NRL: variants seen among roughly 807,000 people sequenced by gnomAD.
NRL encodes the protein neural retina leucine zipper.
Under a neutral mutation model 12.5 loss-of-function variants are expected in NRL, and 16 were observed. The ratio of observed to expected loss-of-function variants is 1.28; its 90% confidence interval spans 0.87 to 1.95. The LOEUF (loss-of-function observed/expected upper bound fraction) is 1.95, where lower values mean the gene tolerates loss of function less well. NRL is among the 30% of genes most tolerant of loss of function. NRL has a pLI of 0.00. For missense variants in NRL, 314 were observed against 325.8 expected, an observed-to-expected ratio of 0.96 and a Z score of 0.28; for synonymous variants, 142 against 150.9, an observed-to-expected ratio of 0.94 and a Z score of 0.43.
At position 24,081,369 on chromosome 14, in the gene NRL, A is replaced by T; in HGVS notation, c.581T>A (p.Leu194Gln). ...RRGLEAERAR[L>Q]AAQLDALRAE... Reference sequence around the variant, plus strand: ...CCGCAGCGCGTCCAGCTGGGCGGCCAGGCGGGCGCGCTCGGCCTCCAGCCC... The same window carrying T: ...CCGCAGCGCGTCCAGCTGGGCGGCCTGGCGGGCGCGCTCGGCCTCCAGCCC... The change falls in exon 3 of 3, where the codon CTG becomes CAG. Residue 194 changes from leucine to glutamine, a missense_variant. Transcript: ENST00000561028. This position sits in a 1 kb window ranked among gnomAD's most constrained non-coding sequence, Gnocchi z 4.4. The T allele has an allele frequency of 1.4e-6, 2 of 1,434,744 alleles. No individual in the cohort carries two copies. The highest frequency in any genetic ancestry group is 1.8e-6 in the Non-Finnish European group (2 of 1,096,678). 88.9% of individuals were successfully genotyped at this position (1,434,744 alleles called of 1,614,324 possible).
chr14:24,081,173 G>A lies in NRL; in HGVS notation c.*63C>T. ...TGGTAACGATGCAGAGAACCGTGCA[G>A]CCGCCTCCTGGGCGGAGCCACCCCA... On this transcript the variant is annotated 3_prime_UTR_variant, in exon 3 of 3. Transcript: ENST00000561028. The surrounding 1 kb of genome is among the most constrained non-coding windows in gnomAD (Gnocchi z 4.4). 2 of 1,203,984 alleles carry A rather than the reference G, an allele frequency of 1.7e-6. No homozygotes were observed. Among genetic ancestry groups the A allele is most frequent in the Non-Finnish European group, 2.2e-6 (2 of 918,204 alleles). 74.6% of individuals were successfully genotyped at this position (1,203,984 alleles called of 1,614,324 possible). A position where few individuals can be genotyped will look rare whatever the true frequency, so the allele number is the denominator to read the frequency against.
chr14:24,103,062 G>A, intron 1 of NRL: 1 of 1,204,648 alleles, frequency 8.3e-7, no homozygotes, highest in Non-Finnish European at 1.2e-6. Context: ...GGATAGCCGA[G>A]GTCTTAGGAG....
At position 24,103,698 on chromosome 14, in the gene NRL, C is replaced by T. The variant is rs374328821; in HGVS notation, c.-28+11024G>A. The stretch of plus-strand genomic sequence containing the variant: ...GTGGCCAGGCTTTGGGGAGAATGCT[C>T]GGGTGCTAGACTGGATCTGCCGGCG... On this transcript the variant is annotated intron_variant, in intron 1 of 2. Transcript: ENST00000561028. The T allele has an allele frequency of 3.7e-6, 6 of 1,614,040 alleles. No individual in the cohort carries two copies. Among genetic ancestry groups the T allele is most frequent in the African/African-American group, 1.3e-5 (1 of 74,924 alleles).
intron 1 of NRL, among the ~76,000 whole-genome samples, chr14:24,096,500 G>A (rs1240728904): frequency 6.6e-6 from 1 of 152,098 alleles, no homozygotes; most frequent in African/African-American, 2.4e-5. Flanking sequence ...CTCCCAAAGT[G>A]CTGGGATTAC....
At chr14:24,095,989 A>G (rs961301569) in intron 1 of NRL, among the ~76,000 whole-genome samples, 2 of 152,216 alleles carry the variant, frequency 1.3e-5, no homozygotes, top group Admixed American at 6.5e-5. Context: ...TTCTCTGTGC[A>G]AGAGCCCTCA....
At position 24,082,492 on chromosome 14, in the gene NRL, C is replaced by A; in HGVS notation, c.357G>T (p.Glu119Asp). 1 of 1,612,974 alleles carries A rather than the reference C, an allele frequency of 6.2e-7. No homozygotes were observed. The highest frequency in any genetic ancestry group is 8.5e-7 in the Non-Finnish European group (1 of 1,180,036). The change falls in exon 2 of 3, where the codon GAG becomes GAT. Residue 119 changes from glutamate (E) to aspartate (D), a missense_variant. By Grantham distance (45) the Glu-to-Asp change is conservative. Coordinates refer to ENST00000561028, the MANE Select transcript of NRL (RefSeq NM_001354768.3). ...CCTGGACGTGCTGGGCTCCTGTCTCCTCTGGGCTCCCTGGGTAGTAGCCAT... is the reference window on the plus strand; with the variant it reads ...CCTGGACGTGCTGGGCTCCTGTCTCATCTGGGCTCCCTGGGTAGTAGCCAT... ...GPHGYYPGSP[E>D]ETGAQHVQLA...
At position 24,082,656 on chromosome 14, in the gene NRL, T is replaced by A; in HGVS notation, c.193A>T (p.Thr65Ser). 1 of 1,613,904 alleles carries A rather than the reference T, an allele frequency of 6.2e-7. No homozygotes were observed. Among genetic ancestry groups the A allele is most frequent in the Non-Finnish European group, 8.5e-7 (1 of 1,179,984 alleles). The change falls in exon 2 of 3, where the codon ACC (threonine) becomes TCC (serine). Residue 65 changes from threonine to serine, a missense_variant. By Grantham distance (58) the Thr-to-Ser change is moderately conservative (BLOSUM62 1). Coordinates refer to ENST00000561028, the MANE Select transcript of NRL (RefSeq NM_001354768.3). ...EPGMVGATEG[T>S]RPGLEELYWL... ...TACAGCTCCTCCAGGCCTGGCCGGG[T>A]GCCCTCGGTTGCCCCCACCATGCCT...
chr14:24,093,502 AC>A (rs1159016232), intron 1 of NRL: 4 of 152,150 alleles, frequency 2.6e-5, no homozygotes, highest in Non-Finnish European at 5.9e-5. Flanking sequence ...GCATGGAGAA[AC>A]CCCGTCTTTA....
At chr14:24,099,596 T>A in intron 1 of NRL, 1 of 1,611,202 alleles carries the variant, frequency 6.2e-7, no homozygotes, top group Non-Finnish European at 8.5e-7. Flanking sequence ...AGAAGCGCTA[T>A]GTGGCAGCCG....
At chr14:24,093,935 T>G (rs748879856) in intron 1 of NRL, 7 of 464,058 alleles carry the variant, frequency 1.5e-5, no homozygotes, top group African/African-American at 1.4e-4. Context: ...CCCCCTAACT[T>G]CTAGACGTCT....
chr14:24,103,589 G>A (rs2037256887), intron 1 of NRL: 1 of 1,606,706 alleles, frequency 6.2e-7, no homozygotes, highest in Non-Finnish European at 8.5e-7. Context: ...AACACTGGCT[G>A]AGCATGGAAG....
In NRL at chr14:24,103,948, G is replaced by A. The variant is rs145739132; in HGVS notation, c.-28+10774C>T. 2.0e-5 allele frequency: 33 copies of A among 1,613,534 alleles called. No homozygotes were observed. In the African/African-American group the frequency reaches 2.5e-4, roughly 12 times the overall value. ...GCTGAGCTTGAGGCCCTGGAGAGAC[G>A]TGTGCACAAAATGTGACCTGAGGCC... On this transcript the variant is annotated intron_variant, in intron 1 of 2. Coordinates refer to ENST00000561028, the MANE Select transcript of NRL (RefSeq NM_001354768.3).
At chr14:24,103,279 C>G (rs1485528425) in intron 1 of NRL, 9 of 1,577,696 alleles carry the variant, frequency 5.7e-6, no homozygotes, top group Non-Finnish European at 7.8e-6. Context: ...CCATTCCTCC[C>G]TCTCCTGTGT....
At position 24,079,762 on chromosome 14, in the gene NRL, G is replaced by A. The variant is rs560992236; in HGVS notation, c.*1474C>T. Among the ~76,000 whole-genome samples, 6 of 152,282 alleles carry A rather than the reference G, an allele frequency of 3.9e-5. No homozygotes were observed. Among genetic ancestry groups the A allele is most frequent in the East Asian group, 1.9e-4 (1 of 5,180 alleles). On this transcript the variant is annotated 3_prime_UTR_variant, in exon 3 of 3. Coordinates refer to ENST00000561028, the MANE Select transcript of NRL (RefSeq NM_001354768.3). ...GACAGATGACAGTAACTCGTGAGGC[G>A]GCTGCTCCCAGCACAACGCCTGTGC... is the stretch of plus-strand genomic sequence containing the variant.
intron 1 of NRL, chr14:24,098,290 A>T (rs2138947966): frequency 6.2e-7 from 1 of 1,613,716 alleles, no homozygotes; most frequent in Non-Finnish European, 8.5e-7. Flanking sequence ...ACACGGTACC[A>T]CTCCCGCCTG....
chr14:24,109,879 A>G (rs759934258), intron 1 of NRL, among the ~76,000 whole-genome samples: 15 of 152,192 alleles, frequency 9.9e-5, no homozygotes, highest in Non-Finnish European at 1.8e-4. Flanking sequence ...CATATTACAA[A>G]AGCTTGAATT....
intron 1 of NRL, chr14:24,104,067 A>G: frequency 1.3e-6 from 1 of 750,736 alleles, no homozygotes; most frequent in Non-Finnish European, 2.3e-6. Flanking sequence ...AACATCTTCA[A>G]TGTGCCATAG....
intron 1 of NRL, among the ~76,000 whole-genome samples, chr14:24,104,711 C>T (rs2037304992): frequency 6.6e-6 from 1 of 152,032 alleles, no homozygotes; most frequent in Non-Finnish European, 1.5e-5. Flanking sequence ...CAGTACAGCC[C>T]CCAAGCCTAA....
intron 1 of NRL, among the ~76,000 whole-genome samples, chr14:24,097,616 C>A (rs2036952919): frequency 6.8e-6 from 1 of 146,462 alleles, no homozygotes. Context: ...GAGATGGAGT[C>A]TCACTGTATC....
Sources: allele counts gnomAD v4.1 joint callset (sites outside exome capture counted in the v4.1 genomes callset), GRCh38; gene constraint gnomAD v4.1.1; non-coding constraint Gnocchi (gnomAD v3.1); transcripts MANE v1.5; gene names NCBI Gene and HGNC (gene_info 2026-07-23, HGNC 2026-07-21).